The following HIVEP3 variants were observed in gnomAD, a reference collection of about 807,000 sequenced individuals.
HIVEP3 encodes HIVEP zinc finger 3, also known as transcription factor HIVEP3.
In HIVEP3, 49 loss-of-function variants were observed where a neutral mutation model predicts 152.8. The observed-to-expected ratio is 0.32, with a 90% CI of 0.26 to 0.41. The LOEUF (loss-of-function observed/expected upper bound fraction) is 0.41, where lower values mean the gene tolerates loss of function less well. Ranked by LOEUF, HIVEP3 falls within the 10% of genes least tolerant of loss-of-function variation. The pLI is 1.00. For synonymous variants in HIVEP3, 1,269 were observed against 1,289.0 expected (o/e 0.98, Z 0.33); for missense variants, 2,790 against 3,103.3 (o/e 0.90, Z 2.40).
At chr1:41,846,283 T>C (rs752026733) in intron 1 of HIVEP3, among the ~76,000 whole-genome samples, 2 of 152,236 alleles carry the variant, frequency 1.3e-5, no homozygotes, top group African/African-American at 2.4e-5. Flanking sequence ...CAATGAAATA[T>C]TTGAAAAAGT....
intron 1 of HIVEP3, among the ~76,000 whole-genome samples, chr1:41,957,478 T>G (rs1645145948): frequency 6.6e-6 from 1 of 152,326 alleles, no homozygotes; most frequent in Non-Finnish European, 1.5e-5. Flanking sequence ...CATAAATAGC[T>G]TAGGCAAGAA....
At chr1:41,585,413 C>T (rs957496769) in intron 3 of HIVEP3, 95 bp from the exon 4 acceptor site, 12 of 398,292 alleles carry the variant, frequency 3.0e-5, no homozygotes, top group East Asian at 7.1e-5. Flanking sequence ...AGCCCAGACT[C>T]GGTGCCACAC....
intron 2 of HIVEP3, among the ~76,000 whole-genome samples, chr1:41,667,334 G>A (rs1645810836): frequency 6.6e-6 from 1 of 152,230 alleles, no homozygotes; most frequent in African/African-American, 2.4e-5. Context: ...TTCCCCAAAT[G>A]ACAAAAGCAT....
chr1:41,907,342 T>G (rs1644730173), intron 1 of HIVEP3, among the ~76,000 whole-genome samples: 1 of 152,092 alleles, frequency 6.6e-6, no homozygotes, highest in South Asian at 2.1e-4. Context: ...AGGAAGCCAA[T>G]GCCCTACTAC....
intron 1 of HIVEP3, among the ~76,000 whole-genome samples, chr1:41,848,611 G>T (rs1453313600): frequency 1.3e-5 from 2 of 152,172 alleles, no homozygotes; most frequent in South Asian, 2.1e-4. Flanking sequence ...AGAGAGAATT[G>T]CAGGAAGAAG....
chr1:41,685,242 C>T (rs1030593565), intron 2 of HIVEP3, among the ~76,000 whole-genome samples: 1 of 152,232 alleles, frequency 6.6e-6, no homozygotes, highest in Admixed American at 6.5e-5. Flanking sequence ...GCTTTTGGGA[C>T]TGTTGCGAGT....
chr1:42,024,277 CTAA>C (rs1277719135), intron 1 of HIVEP3, among the ~76,000 whole-genome samples: 21 of 152,070 alleles, frequency 1.4e-4, no homozygotes, highest in African/African-American at 4.8e-4. Context: ...TTTTTTATCC[CTAA>C]TAATGTTTTT....
At chr1:41,695,207 C>T (rs1160434248) in intron 2 of HIVEP3, among the ~76,000 whole-genome samples, 2 of 152,120 alleles carry the variant, frequency 1.3e-5, no homozygotes, top group African/African-American at 2.4e-5. Flanking sequence ...GTGGTGGACT[C>T]GCCATGGAGG....
intron 1 of HIVEP3, among the ~76,000 whole-genome samples, chr1:41,836,390 G>T (rs913244105): frequency 6.6e-6 from 1 of 152,214 alleles, no homozygotes; most frequent in Non-Finnish European, 1.5e-5. Context: ...TTAGTGGCTG[G>T]CATGGGAAGA....
At chr1:41,868,752 T>C (rs1644027876) in intron 1 of HIVEP3, among the ~76,000 whole-genome samples, 1 of 152,210 alleles carries the variant, frequency 6.6e-6, no homozygotes, top group Non-Finnish European at 1.5e-5. Flanking sequence ...GACACTGCCA[T>C]CTATAGGTGG....
intron 1 of HIVEP3, among the ~76,000 whole-genome samples, chr1:41,741,757 GA>G (rs1647000016): frequency 1.3e-5 from 2 of 152,228 alleles, no homozygotes; most frequent in African/African-American, 4.8e-5. Flanking sequence ...CTCAACCACT[GA>G]TTGTGTGACC....
intron 1 of HIVEP3, among the ~76,000 whole-genome samples, chr1:42,019,138 A>C (rs1645539890): frequency 6.6e-6 from 1 of 152,056 alleles, no homozygotes; most frequent in African/African-American, 2.4e-5. Context: ...ACTTAATTAC[A>C]ATAGCTTTAT....
chr1:41,749,072 A>G (rs1379949443), intron 1 of HIVEP3, among the ~76,000 whole-genome samples: 1 of 152,206 alleles, frequency 6.6e-6, no homozygotes, highest in Non-Finnish European at 1.5e-5. Flanking sequence ...CCTGTTAGAG[A>G]CAGAACAAGG....
chr1:41,697,140 A>C (rs1187531455), intron 2 of HIVEP3, among the ~76,000 whole-genome samples: 2 of 152,168 alleles, frequency 1.3e-5, no homozygotes, highest in Non-Finnish European at 2.9e-5. Context: ...AGTTTCCCCA[A>C]GCCTTGCCCC....
chr1:41,674,593 A>G (rs1459975118), intron 2 of HIVEP3, among the ~76,000 whole-genome samples: 2 of 152,204 alleles, frequency 1.3e-5, no homozygotes, highest in Non-Finnish European at 2.9e-5. Flanking sequence ...TAGAGTTTGC[A>G]GTAGATCTGC....
intron 5 of HIVEP3, among the ~76,000 whole-genome samples, chr1:41,537,943 G>T (rs555127901): frequency 6.6e-6 from 1 of 152,242 alleles, no homozygotes; most frequent in Non-Finnish European, 1.5e-5. Context: ...TATTTCCTAA[G>T]GTCTGGTCTG....
At chr1:41,553,325 G>A (rs1382105631) in intron 5 of HIVEP3, among the ~76,000 whole-genome samples, 1 of 152,106 alleles carries the variant, frequency 6.6e-6, no homozygotes, top group Non-Finnish European at 1.5e-5. Context: ...TGCAACCCCT[G>A]CTTTTTTTTC....
chr1:41,510,221 T>TG lies in HIVEP3; in HGVS notation c.*229_*230insC, dbSNP rs139587113. 25,240 of 380,958 alleles carry TG rather than the reference T, an allele frequency of 0.066. 1,101 individuals carry two copies. Among genetic ancestry groups the TG allele is most frequent in the Non-Finnish European group, 0.088 (19,030 of 217,248 alleles). 23.6% of individuals were successfully genotyped at this position (380,958 alleles called of 1,614,324 possible). ...CCTCAGACTCCTCGTGGGTTGTTGT[T>TG]TTTTTTTTAAATGTATGTATGTGAT... On this transcript the variant is annotated 3_prime_UTR_variant, in exon 9 of 9. Transcript: ENST00000372583.
intron 1 of HIVEP3, among the ~76,000 whole-genome samples, chr1:41,844,343 A>C (rs1643374974): frequency 6.6e-6 from 1 of 152,240 alleles, no homozygotes; most frequent in East Asian, 1.9e-4. Flanking sequence ...ACTTACTCAG[A>C]TAGAATGTTC....
Sources: allele counts gnomAD v4.1 joint callset (sites outside exome capture counted in the v4.1 genomes callset), GRCh38; gene constraint gnomAD v4.1.1; transcripts MANE v1.5; gene names NCBI Gene and HGNC (gene_info 2026-07-23, HGNC 2026-07-21).